The following NAALADL2 variants were observed in gnomAD, a reference collection of about 807,000 sequenced individuals.
NAALADL2 encodes N-acetylated alpha-linked acidic dipeptidase like 2.
Under a neutral mutation model 87.2 loss-of-function variants are expected in NAALADL2, and 76 were observed. The observed-to-expected ratio is 0.87, with a 90% confidence interval of 0.72 to 1.05. The LOEUF is 1.05. Ranked by LOEUF, NAALADL2 falls within the 50% of genes least tolerant of loss-of-function variation. The pLI is 0.00. For synonymous variants in NAALADL2, 354 were observed against 331.0 expected (o/e 1.07, Z -0.75); for missense variants, 1,089 against 945.8 (o/e 1.15, Z -1.99).
At chr3:175,522,556 T>C (rs1171043483) in intron 9 of NAALADL2, among the ~76,000 whole-genome samples, 2 of 152,212 alleles carry the variant, frequency 1.3e-5, no homozygotes, top group Admixed American at 1.3e-4. Context: ...AGGTGAGATA[T>C]GAGTTCTCAA....
chr3:175,047,352 A>G (rs1174533557), intron 1 of NAALADL2, among the ~76,000 whole-genome samples: 3 of 152,126 alleles, frequency 2.0e-5, no homozygotes, highest in African/African-American at 4.8e-5. Flanking sequence ...CAGGGTGGCA[A>G]TGGTTTTTGT....
At chr3:175,336,637 C>G (rs962626585) in intron 5 of NAALADL2, among the ~76,000 whole-genome samples, 1 of 152,034 alleles carries the variant, frequency 6.6e-6, no homozygotes, top group African/African-American at 2.4e-5. Context: ...AAACAGCCAG[C>G]AACAAAAAAT....
chr3:174,629,875 T>A (rs2108689676), intron 2 of NAALADL2, among the ~76,000 whole-genome samples: 1 of 152,256 alleles, frequency 6.6e-6, no homozygotes, highest in Non-Finnish European at 1.5e-5. Context: ...AAATGAGCAA[T>A]TTTGCCCTGG....
At chr3:174,607,371 C>A (rs549999184) in intron 2 of NAALADL2, among the ~76,000 whole-genome samples, 52 of 151,474 alleles carry the variant, frequency 3.4e-4, no homozygotes, top group African/African-American at 1.2e-3. Flanking sequence ...CACAGACTGG[C>A]AATTTGGATA....
rs1719262104 is a variant in NAALADL2 at position 175,578,590 on chromosome 3, T to C, written c.1800+2403T>C. Among the ~76,000 whole-genome samples the C allele has an allele frequency of 5.3e-5, 8 of 152,316 alleles. No homozygotes were observed. The South Asian group carries it at 1.7e-3, about 32-fold the overall frequency. On this transcript the variant is annotated intron_variant, in intron 10 of 13. Transcript: ENST00000454872. ...TAGCTTTTATTATTAACTCTGTTCA[T>C]GCTGAGAATGAAATGGAATTTAAAA...
chr3:174,997,958 G>A (rs1429211129), intron 1 of NAALADL2, among the ~76,000 whole-genome samples: 2 of 152,146 alleles, frequency 1.3e-5, no homozygotes, highest in African/African-American at 4.8e-5. Context: ...ATTTAACCAT[G>A]TTTCCTTAGA....
chr3:175,671,935 A>C (rs1416540864), intron 11 of NAALADL2, among the ~76,000 whole-genome samples: 2 of 152,106 alleles, frequency 1.3e-5, no homozygotes, highest in African/African-American at 2.4e-5. Context: ...GTTATAATGC[A>C]AAAATTTGTT....
chr3:175,067,017 C>T (rs986235753), intron 1 of NAALADL2, among the ~76,000 whole-genome samples: 1 of 152,136 alleles, frequency 6.6e-6, no homozygotes, highest in Non-Finnish European at 1.5e-5. Flanking sequence ...ATACTGAATC[C>T]TCAGTTTGCT....
rs1553923118 is a variant in NAALADL2 at position 175,564,544 on chromosome 3, C to CTATT, written c.1654-11495_1654-11494insTTTA. ...ATTTAAAATAGCATTGCCTGTGAGC[C>CTATT]TAAGAGAAGCTATTTAAGATAAACC... On this transcript the variant is annotated intron_variant, in intron 9 of 13. Transcript: ENST00000454872. Among the ~76,000 whole-genome samples the CTATT allele has an allele frequency of 2.6e-5, 4 of 152,092 alleles. No individual in the cohort carries two copies. The South Asian group carries it at 6.3e-4, about 24-fold the overall frequency.
rs947164036 is a variant in NAALADL2 at position 175,157,639 on chromosome 3, G to C, written c.545+60348G>C. ...AGTAATGTCATAGGATCAGCCTGCTGTCACTTACCATCTATATAGCCACAA... is the reference window on the plus strand; with the variant it reads ...AGTAATGTCATAGGATCAGCCTGCTCTCACTTACCATCTATATAGCCACAA... On this transcript the variant is annotated intron_variant, in intron 2 of 13. Transcript: ENST00000454872. 3.3e-5 allele frequency among the ~76,000 whole-genome samples: 5 copies of C among 152,030 alleles called. No individual in the cohort carries two copies. In the East Asian group the frequency reaches 5.8e-4, roughly 18 times the overall value.
chr3:174,517,615 A>G (rs1438574976), intron 1 of NAALADL2, among the ~76,000 whole-genome samples: 2 of 152,076 alleles, frequency 1.3e-5, no homozygotes, highest in Non-Finnish European at 2.9e-5. Context: ...ATCCAAGTTG[A>G]ACTTTTAAAA....
At chr3:175,656,606 A>G (rs142361484) in intron 11 of NAALADL2, among the ~76,000 whole-genome samples, 34 of 152,190 alleles carry the variant, frequency 2.2e-4, no homozygotes, top group African/African-American at 8.2e-4. Flanking sequence ...TTTTTAAAAG[A>G]TAATATCTAT....
chr3:175,523,620 CG>C (rs1560700366), intron 9 of NAALADL2, among the ~76,000 whole-genome samples: 1 of 152,216 alleles, frequency 6.6e-6, no homozygotes, highest in Non-Finnish European at 1.5e-5. Flanking sequence ...CAATGGTGAG[CG>C]TACACTTGGA....
chr3:175,097,556 T>G lies in NAALADL2; in HGVS notation c.545+265T>G, dbSNP rs74691076. The stretch of plus-strand genomic sequence containing the variant: ...GACTAAAATTCTCCAGCCACTGTAT[T>G]TTCTCCCTCTTGGTGAGCCTTGTTA... On this transcript the variant is annotated intron_variant, in intron 2 of 13. Coordinates refer to ENST00000454872, the MANE Select transcript of NAALADL2 (RefSeq NM_207015.3). Among the ~76,000 whole-genome samples, 1,077 of 152,220 alleles carry G rather than the reference T, an allele frequency of 7.1e-3. 21 individuals carry two copies. The highest frequency in any genetic ancestry group is 0.025 in the African/African-American group (1,039 of 41,526).
At chr3:175,183,052 G>C (rs1736828226) in intron 2 of NAALADL2, among the ~76,000 whole-genome samples, 1 of 76,430 alleles carries the variant, frequency 1.3e-5, no homozygotes, top group East Asian at 5.4e-4. Flanking sequence ...TGAACTTTAA[G>C]ATTTTTTTTC....
chr3:175,667,566 A>G (rs530246319), intron 11 of NAALADL2, among the ~76,000 whole-genome samples: 17 of 152,230 alleles, frequency 1.1e-4, no homozygotes, highest in Non-Finnish European at 1.6e-4. Flanking sequence ...GCTGGCCAAG[A>G]GAGAAGAGAC....
chr3:175,013,169 A>AAAATATATTTATATATAAATATAT (rs1560475414), intron 1 of NAALADL2, among the ~76,000 whole-genome samples: 8 of 110,080 alleles, frequency 7.3e-5, no homozygotes, highest in African/African-American at 2.6e-4. Flanking sequence ...ATAAATATGT[A>AAAATATATTTATATATAAATATAT]ATACATATTT....
chr3:175,677,478 G>GTGTGTGT (rs1560961279), intron 11 of NAALADL2, among the ~76,000 whole-genome samples: 10 of 140,122 alleles, frequency 7.1e-5, no homozygotes, highest in African/African-American at 2.4e-4. Flanking sequence ...AGTATAATGG[G>GTGTGTGT]GTGTGTGTGT....
intron 2 of NAALADL2, among the ~76,000 whole-genome samples, chr3:174,626,082 C>T (rs924930338): frequency 9.2e-5 from 12 of 130,728 alleles, no homozygotes; most frequent in African/African-American, 3.4e-4. Flanking sequence ...ATATGTATAA[C>T]TATAGATTTT....
Sources: gnomAD v4.1 joint callset for allele counts (sites outside exome capture counted in the v4.1 genomes callset) on GRCh38, gnomAD v4.1.1 for gene constraint, MANE v1.5 for transcripts, NCBI Gene and HGNC (gene_info 2026-07-23, HGNC 2026-07-21) for gene names.